The following ORC3 variants were observed in gnomAD, a reference collection of about 807,000 sequenced individuals.
ORC3 encodes the protein origin recognition complex subunit 3, also known as homolog of latheo, Drosophila.
In ORC3, 78 loss-of-function variants were observed where a neutral mutation model predicts 100.7. That is an observed-to-expected ratio of 0.77 (90% CI 0.65 to 0.94). The LOEUF (loss-of-function observed/expected upper bound fraction) is 0.94. ORC3 is among the 40% of genes least tolerant of loss of function. The probability of loss-of-function intolerance (pLI) is 0.00; values close to 1 mark genes in which losing one functional copy is unlikely to be tolerated. For missense variants in ORC3, 789 were observed against 823.9 expected (o/e 0.96, Z 0.52); for synonymous variants, 295 against 289.3 (o/e 1.02, Z -0.20).
intron 13 of ORC3, 44 bp from the exon 14 acceptor site, chr6:87,653,072 A>G (rs1769400615): frequency 6.7e-7 from 1 of 1,482,680 alleles, no homozygotes; most frequent in Non-Finnish European, 9.1e-7. Context: ...TTAAGTGTTA[A>G]TTTTCTAGTT....
At chr6:87,668,597 C>T (rs1382199052), downstream of ORC3, among the ~76,000 whole-genome samples, 1 of 152,162 alleles carries the variant, frequency 6.6e-6, no homozygotes, top group Admixed American at 6.5e-5. Context: ...GAATAAAGAA[C>T]ACCTTAGACC....
At chr6:87,641,750 T>A (rs1222630729) in intron 13 of ORC3, among the ~76,000 whole-genome samples, 2 of 152,068 alleles carry the variant, frequency 1.3e-5, no homozygotes, top group Admixed American at 1.3e-4. Flanking sequence ...AGTAAAAAAA[T>A]AAAATAAAAT....
chr6:87,657,647 C>T (rs1769822873), intron 15 of ORC3, among the ~76,000 whole-genome samples: 1 of 152,128 alleles, frequency 6.6e-6, no homozygotes, highest in Admixed American at 6.5e-5. Context: ...GAATAGTGAG[C>T]ACTCTGCCAT....
Position 87,601,836 on chromosome 6 carries a change from C to G in ORC3, c.132C>G (p.Phe44Leu). 6.2e-7 allele frequency: 1 copy of G among 1,611,608 alleles called. No homozygotes were observed. The highest frequency in any genetic ancestry group is 8.5e-7 in the Non-Finnish European group (1 of 1,177,786). ...AGCCTGAGGACAGTAAGCTTCGATTCGAAACTTATCAGTTGATATGGCAGC... is the reference window on the plus strand; with the variant it reads ...AGCCTGAGGACAGTAAGCTTCGATTGGAAACTTATCAGTTGATATGGCAGC... ...KNEPEDSKLR[F>L]ETYQLIWQQM... Residue 44 changes from phenylalanine to leucine, a missense_variant, in exon 3 of 20, where the codon TTC (phenylalanine) becomes TTG (leucine). Around this residue, in one of 3 missense-constraint regions of ORC3, gnomAD observed 399 missense variants for 382.0 expected, o/e 1.04. Transcript: ENST00000392844.
intron 7 of ORC3, among the ~76,000 whole-genome samples, chr6:87,611,569 A>G (rs1038109792): frequency 6.6e-6 from 1 of 152,124 alleles, no homozygotes; most frequent in Non-Finnish European, 1.5e-5. Flanking sequence ...GGTGGATCAC[A>G]TGAAGTCAGG....
At chr6:87,675,319 C>CCT in the ORC3 span, 3 of 488,542 alleles carry the variant, frequency 6.1e-6, no homozygotes, top group African/African-American at 5.7e-5. Flanking sequence ...CAGCTTTAAT[C>CCT]CTTTTCAAAC....
Position 87,650,125 on chromosome 6 carries a change from C to T in ORC3, c.1383-2991C>T, listed in dbSNP as rs148094494. On this transcript the variant is annotated intron_variant, in intron 13 of 19. Transcript: ENST00000392844. ...ATGCTGGAGTGCAATGGCATGATCA[C>T]GGCTCACTGCAGCCTTGACCTCCCA... 2.4e-3 allele frequency among the ~76,000 whole-genome samples: 356 copies of T among 147,588 alleles called. 1 individual carries two copies. Among genetic ancestry groups the T allele is most frequent in the African/African-American group, 8.6e-3 (341 of 39,562 alleles).
chr6:87,607,887 A>C, intron 6 of ORC3, 63 bp downstream of exon 6: 1 of 1,166,992 alleles, frequency 8.6e-7, no homozygotes, highest in Non-Finnish European at 1.3e-6. Context: ...GCTTGGAATA[A>C]TATTAGACAG....
chr6:87,590,191 AG>A lies in ORC3; in HGVS notation c.24+1del. MATSSMS[K>X]GCFVFKPNSK... ...ACCATGGCTACGTCCTCGATGTCTA[AG>A]GTATGTGGTGGCCGATGCGCACTGT... On this transcript the variant is annotated frameshift_variant and splice_region_variant, in exon 1 of 20. Transcript: ENST00000392844. LOFTEE classifies it high-confidence loss of function. 6.2e-7 allele frequency: 1 copy of A among 1,614,016 alleles called. No individual in the cohort carries two copies. The highest frequency in any genetic ancestry group is 8.5e-7 in the Non-Finnish European group (1 of 1,179,832).
chr6:87,591,894 G>C (rs1179960609), intron 1 of ORC3, among the ~76,000 whole-genome samples: 1 of 152,086 alleles, frequency 6.6e-6, no homozygotes, highest in Non-Finnish European at 1.5e-5. Flanking sequence ...ACTACACCCA[G>C]CTAATTTTGT....
At chr6:87,652,993 C>A in intron 13 of ORC3, 123 bp from the exon 14 acceptor site, 1 of 681,676 alleles carries the variant, frequency 1.5e-6, no homozygotes, top group Non-Finnish European at 2.3e-6. Flanking sequence ...ATGTTGGTAG[C>A]TACTAATGAA....
intron 18 of ORC3, among the ~76,000 whole-genome samples, chr6:87,665,464 G>T (rs1345458125): frequency 6.6e-6 from 1 of 152,098 alleles, no homozygotes; most frequent in East Asian, 1.9e-4. Flanking sequence ...TATTTTCCTG[G>T]AGTAAGATTA....
downstream of ORC3, among the ~76,000 whole-genome samples, chr6:87,670,152 A>C (rs567079735): frequency 6.6e-6 from 1 of 152,276 alleles, no homozygotes. Flanking sequence ...ATTATGTAAG[A>C]AAGTAGCAGG....
intron 17 of ORC3, 127 bp downstream of exon 17, chr6:87,663,271 A>T (rs973908870): frequency 1.6e-6 from 1 of 626,062 alleles, no homozygotes; most frequent in African/African-American, 1.8e-5. Flanking sequence ...TGCACGTCTC[A>T]TATATTTTTA....
chr6:87,664,853 G>A lies in ORC3; in HGVS notation c.1944G>A (p.Trp648Ter). The stretch of plus-strand genomic sequence containing the variant: ...GCAGGCTCATCAACCTCGTGGACTG[G>A]TCAGAGGTAGGTTGTAGGGAAAAGA... Reference protein sequence around the residue: ...ECSRLINLVDWSEAFATVVTA... With the variant: ...ECSRLINLVD Residue 648 changes from tryptophan (W) to a stop codon, truncating the protein, a stop_gained, in exon 18 of 20, where the codon TGG becomes TGA. Transcript: ENST00000392844. LOFTEE classifies it high-confidence loss of function. The A allele has an allele frequency of 6.3e-7, 1 of 1,589,192 alleles. No homozygotes were observed. The highest frequency in any genetic ancestry group is 8.6e-7 in the Non-Finnish European group (1 of 1,158,692).
Position 87,666,398 on chromosome 6 carries a change from A to G in ORC3, c.2030+565A>G, listed in dbSNP as rs567136594. On this transcript the variant is annotated intron_variant, in intron 19 of 19. Coordinates refer to ENST00000392844, the MANE Select transcript of ORC3 (RefSeq NM_012381.4). ...GCCCGCCTTGGCCTCCCAAAGTGCT[A>G]GGATTATAGGTGTGAGCCACCTCAC... 4.6e-4 allele frequency among the ~76,000 whole-genome samples: 65 copies of G among 140,608 alleles called. No homozygotes were observed. The South Asian group carries it at 5.8e-3, about 12-fold the overall frequency. The allele number at this position is 140,608 out of a possible 152,430, so 92.2% of individuals were successfully genotyped here. A position where few individuals can be genotyped will look rare whatever the true frequency, so the allele number is the denominator to read the frequency against.
intron 2 of ORC3, 149 bp from the exon 3 acceptor site, chr6:87,601,635 G>A: frequency 1.7e-6 from 1 of 581,344 alleles, no homozygotes; most frequent in Admixed American, 3.0e-5. Context: ...TCATGCCACT[G>A]CACTCCAGCC....
rs1770551296 is a variant in ORC3 at position 87,665,822 on chromosome 6, T to C, written c.2019T>C (p.Asn673=). Residue 673 remains asparagine (N), a synonymous_variant, in exon 19 of 20, where the codon AAT becomes AAC. Transcript: ENST00000392844. ...DANSATSEEM[N]EIIHARFIRA... The stretch of plus-strand genomic sequence containing the variant: ...ATTCTGCAACCTCAGAAGAAATGAA[T>C]GAAATTATCCAGTATCCTTTTAAAA... The C allele has an allele frequency of 2.5e-6, 4 of 1,602,210 alleles. No individual in the cohort carries two copies. In the African/African-American group the frequency reaches 4.0e-5, roughly 16 times the overall value.
chr6:87,659,058 A>ATTT (rs71021316), intron 16 of ORC3, among the ~76,000 whole-genome samples: 51 of 93,266 alleles, frequency 5.5e-4, no homozygotes, highest in Non-Finnish European at 6.7e-4. Flanking sequence ...GTTTATTGTA[A>ATTT]TTTTTTTTTT....
Sources: gnomAD v4.1 joint callset for allele counts (sites outside exome capture counted in the v4.1 genomes callset) on GRCh38, gnomAD v4.1.1 for gene constraint, gnomAD v4.1.1 regional missense constraint, MANE v1.5 for transcripts, NCBI Gene and HGNC (gene_info 2026-07-23, HGNC 2026-07-21) for gene names.